Variants in PTPRT observed in about 807,000 individuals in gnomAD.
The protein encoded by PTPRT is protein tyrosine phosphatase receptor type T.
PTPRT carries 56 observed loss-of-function variants against 176.8 expected under a neutral mutation model. The ratio of observed to expected loss-of-function variants is 0.32; its 90% confidence interval spans 0.26 to 0.40. The LOEUF is 0.40. Ranked by LOEUF, PTPRT falls within the 10% of genes least tolerant of loss-of-function variation. The pLI is 1.00. For synonymous variants in PTPRT, 783 were observed against 739.0 expected (o/e 1.06, Z -0.96); for missense variants, 1,540 against 1,908.2 (o/e 0.81, Z 3.60).
chr20:42,508,489 T>C (rs2071890247), intron 7 of PTPRT, among the ~76,000 whole-genome samples: 1 of 152,116 alleles, frequency 6.6e-6, no homozygotes, highest in Non-Finnish European at 1.5e-5. Flanking sequence ...TGGTGGAGAA[T>C]ATAAAGATGC....
chr20:42,813,586 C>G (rs2077732916), intron 2 of PTPRT, among the ~76,000 whole-genome samples: 1 of 152,084 alleles, frequency 6.6e-6, no homozygotes, highest in Non-Finnish European at 1.5e-5. Context: ...CCTGACATGC[C>G]ATTTGCTATG....
intron 13 of PTPRT, among the ~76,000 whole-genome samples, chr20:42,274,581 G>GTGTGTGTGTGTGTGTGTGTGTGTGTA (rs746699418): frequency 2.2e-5 from 3 of 134,074 alleles, no homozygotes; most frequent in African/African-American, 9.0e-5. Flanking sequence ...GTGTGTGTGT[G>GTGTGTGTGTGTGTGTGTGTGTGTGTA]TGTGTGTGTG....
At chr20:42,599,229 C>T (rs2073731919) in intron 7 of PTPRT, among the ~76,000 whole-genome samples, 1 of 152,042 alleles carries the variant, frequency 6.6e-6, no homozygotes, top group African/African-American at 2.4e-5. Context: ...GTGACATTTG[C>T]CTGAATATGG....
intron 17 of PTPRT, among the ~76,000 whole-genome samples, chr20:42,152,332 T>C (rs192630029): frequency 6.6e-6 from 1 of 152,344 alleles, no homozygotes; most frequent in Admixed American, 6.5e-5. Flanking sequence ...ACTAATGACG[T>C]CTATTCAGAG....
At chr20:42,646,445 A>G (rs1280823236) in intron 7 of PTPRT, among the ~76,000 whole-genome samples, 1 of 152,150 alleles carries the variant, frequency 6.6e-6, no homozygotes, top group Non-Finnish European at 1.5e-5. Context: ...CGTCTGGGCC[A>G]CAAGATCTAA....
intron 2 of PTPRT, among the ~76,000 whole-genome samples, chr20:42,828,243 T>C (rs2078029238): frequency 6.6e-6 from 1 of 152,188 alleles, no homozygotes; most frequent in Admixed American, 6.5e-5. Flanking sequence ...TTTGTTATGC[T>C]TTAGCAAAGA....
chr20:42,800,083 T>C (rs557355776), intron 2 of PTPRT, among the ~76,000 whole-genome samples: 4 of 152,352 alleles, frequency 2.6e-5, no homozygotes, highest in East Asian at 3.9e-4. Context: ...CATACCATCA[T>C]GTTTTACTTA....
At chr20:42,604,514 C>CTT (rs113687867) in intron 7 of PTPRT, among the ~76,000 whole-genome samples, 6 of 150,022 alleles carry the variant, frequency 4.0e-5, no homozygotes, top group Admixed American at 1.3e-4. Flanking sequence ...ATTTAGTTCT[C>CTT]TTTTTTTTTT....
chr20:42,945,524 A>G (rs1443580918), intron 1 of PTPRT, among the ~76,000 whole-genome samples: 3 of 152,204 alleles, frequency 2.0e-5, no homozygotes, highest in East Asian at 3.9e-4. Context: ...ACAAAACCCC[A>G]GCGGATGCTC....
chr20:42,306,665 G>A (rs977246789), intron 12 of PTPRT, among the ~76,000 whole-genome samples: 2 of 152,142 alleles, frequency 1.3e-5, no homozygotes, highest in South Asian at 2.1e-4. Context: ...ACAGCTCTCT[G>A]TTGCCTTGGC....
At position 42,099,553 on chromosome 20, in the gene PTPRT, G is replaced by GT. The variant is rs1568928184; in HGVS notation, c.3715-1002_3715-1001insA. 1.1e-4 allele frequency among the ~76,000 whole-genome samples: 8 copies of GT among 71,382 alleles called. 1 individual carries two copies. Among genetic ancestry groups the GT allele is most frequent in the East Asian group, 6.1e-4 (1 of 1,636 alleles). The allele number at this position is 71,382 out of a possible 152,430, so 46.8% of individuals were successfully genotyped here. On this transcript the variant is annotated intron_variant, in intron 26 of 30. Transcript: ENST00000373187. ...CAGAGAAAATGGCCTGGGCGGGGGG[G>GT]GGGGGGGTGGGGTGGTCTGGCAGCT...
At chr20:42,449,610 G>A (rs1727759195) in intron 8 of PTPRT, among the ~76,000 whole-genome samples, 1 of 152,170 alleles carries the variant, frequency 6.6e-6, no homozygotes, top group Non-Finnish European at 1.5e-5. Flanking sequence ...AACTGAGGCT[G>A]AGAAAATGGA....
At chr20:42,149,890 A>G (rs914664920) in intron 17 of PTPRT, among the ~76,000 whole-genome samples, 3 of 152,118 alleles carry the variant, frequency 2.0e-5, no homozygotes, top group African/African-American at 4.8e-5. Flanking sequence ...TGCGAGTGCA[A>G]CCCACCCTCC....
At chr20:42,083,287 G>C (rs1983545646) in intron 29 of PTPRT, among the ~76,000 whole-genome samples, 1 of 152,174 alleles carries the variant, frequency 6.6e-6, no homozygotes, top group Admixed American at 6.5e-5. Flanking sequence ...GTGAGACCCT[G>C]AAAGATGGGT....
intron 7 of PTPRT, among the ~76,000 whole-genome samples, chr20:42,575,562 G>A (rs2073243308): frequency 6.6e-6 from 1 of 152,132 alleles, no homozygotes; most frequent in Non-Finnish European, 1.5e-5. Flanking sequence ...TAACCCAGGG[G>A]CAGACAAATA....
At chr20:42,563,651 A>C (rs1430449201) in intron 7 of PTPRT, among the ~76,000 whole-genome samples, 1 of 152,230 alleles carries the variant, frequency 6.6e-6, no homozygotes, top group Non-Finnish European at 1.5e-5. Context: ...CATATAATGG[A>C]ATTATATGCA....
intron 2 of PTPRT, among the ~76,000 whole-genome samples, chr20:42,868,140 CT>C (rs1204802497): frequency 2.0e-5 from 3 of 152,076 alleles, no homozygotes; most frequent in Non-Finnish European, 4.4e-5. Context: ...GAGATTCATG[CT>C]GCAAAGAGTC....
intron 1 of PTPRT, among the ~76,000 whole-genome samples, chr20:43,107,256 G>A (rs1431738636): frequency 6.6e-6 from 1 of 152,158 alleles, no homozygotes; most frequent in African/African-American, 2.4e-5. Context: ...ATATGCAGCT[G>A]GGGTGTGTGG....
At chr20:42,984,743 G>A (rs760815369) in intron 1 of PTPRT, among the ~76,000 whole-genome samples, 1 of 152,228 alleles carries the variant, frequency 6.6e-6, no homozygotes, top group African/African-American at 2.4e-5. Context: ...AAGTCATATA[G>A]GTAGTAGAAG....
Sources: allele counts gnomAD v4.1 joint callset (sites outside exome capture counted in the v4.1 genomes callset), GRCh38; gene constraint gnomAD v4.1.1; transcripts MANE v1.5; gene names NCBI Gene and HGNC (gene_info 2026-07-23, HGNC 2026-07-21).